The following MYOM2 variants were observed in gnomAD, a reference collection of about 807,000 sequenced individuals.
MYOM2 encodes the protein myomesin 2, also known as myomesin-2.
A neutral mutation model predicts 187.6 loss-of-function variants in MYOM2; 254 were observed. The ratio of observed to expected loss-of-function variants is 1.35; its 90% confidence interval spans 1.22 to 1.50. The LOEUF (loss-of-function observed/expected upper bound fraction) is 1.50. MYOM2 is among the 40% of genes most tolerant of loss of function. The pLI is 0.00. For missense variants in MYOM2, 2,796 were observed against 1,924.0 expected, an observed-to-expected ratio of 1.45 and a Z score of -8.48; for synonymous variants, 981 against 753.8, an observed-to-expected ratio of 1.30 and a Z score of -4.94.
intron 6 of MYOM2, among the ~76,000 whole-genome samples, chr8:2,064,665 G>A (rs1226623905): frequency 2.0e-5 from 3 of 152,208 alleles, no homozygotes; most frequent in African/African-American, 4.8e-5. Context: ...ACTCCCCTGG[G>A]ATCTTAATGC....
chr8:2,123,530 A>C (rs370827519), intron 29 of MYOM2, 25 bp from the exon 30 acceptor site: 19 of 1,598,612 alleles, frequency 1.2e-5, no homozygotes, highest in Admixed American at 5.0e-5. Context: ...ACTTTACATA[A>C]ATATGGAATG....
At position 2,123,597 on chromosome 8, in the gene MYOM2, G is replaced by C. The variant is rs763133179; in HGVS notation, c.3610G>C (p.Asp1204His). 1.2e-6 allele frequency: 2 copies of C among 1,614,078 alleles called. No individual in the cohort carries two copies. Among genetic ancestry groups the C allele is most frequent in the East Asian group, 4.5e-5 (2 of 44,884 alleles). ...DHGEYKATLK[D>H]DRGQDVSILE... ...CGGTGAATACAAGGCAACCTTGAAA[G>C]ATGACAGAGGCCAAGATGTGTCCAT... The change falls in exon 30 of 37, where the codon GAT becomes CAT. Residue 1204 changes from aspartate (D) to histidine (H), a missense_variant. Asp to His is a moderately conservative substitution (Grantham distance 81). Transcript: ENST00000262113.
At chr8:2,046,751 CTT>C (rs574408692) in intron 1 of MYOM2, among the ~76,000 whole-genome samples, 11 of 139,484 alleles carry the variant, frequency 7.9e-5, no homozygotes, top group Admixed American at 7.2e-5. Context: ...TTTCTTTTTT[CTT>C]TTTTTTTTTT....
chr8:2,083,959 C>G (rs1010212997), intron 13 of MYOM2, among the ~76,000 whole-genome samples: 1 of 152,230 alleles, frequency 6.6e-6, no homozygotes. Context: ...AAAGTGTGAA[C>G]GAGATGCTGC....
chr8:2,134,619 T>A (rs1272483986), intron 32 of MYOM2, among the ~76,000 whole-genome samples: 1 of 152,044 alleles, frequency 6.6e-6, no homozygotes, highest in Non-Finnish European at 1.5e-5. Flanking sequence ...TGGGAGGCGC[T>A]GGCCTCTCCT....
intron 23 of MYOM2, among the ~76,000 whole-genome samples, chr8:2,106,993 T>C (rs1030740802): frequency 2.0e-5 from 3 of 152,218 alleles, no homozygotes; most frequent in Non-Finnish European, 2.9e-5. Context: ...AGAAAAATTT[T>C]TTTATGCATG....
rs146479253 is a variant in MYOM2 at position 2,068,279 on chromosome 8, A to C, written c.654-999A>C. On this transcript the variant is annotated intron_variant, in intron 6 of 36. Coordinates refer to ENST00000262113, the MANE Select transcript of MYOM2 (RefSeq NM_003970.4). ...TCTTCAATGCCTGTGTGCACCAGGCAGAGAGCATCCTGGGCACAGCTCTTC... is the reference window on the plus strand; with the variant it reads ...TCTTCAATGCCTGTGTGCACCAGGCCGAGAGCATCCTGGGCACAGCTCTTC... 2.6e-3 allele frequency among the ~76,000 whole-genome samples: 376 copies of C among 144,452 alleles called. 1 individual carries two copies. Among genetic ancestry groups the C allele is most frequent in the African/African-American group, 9.5e-3 (366 of 38,688 alleles). 94.8% of individuals were successfully genotyped at this position (144,452 alleles called of 152,430 possible).
chr8:2,097,750 C>G (rs1338234654), intron 18 of MYOM2, among the ~76,000 whole-genome samples: 1 of 152,218 alleles, frequency 6.6e-6, no homozygotes, highest in Non-Finnish European at 1.5e-5. Context: ...CTCCTGACCT[C>G]AGGTGATCTG....
intron 25 of MYOM2, among the ~76,000 whole-genome samples, chr8:2,110,080 T>C (rs1797018458): frequency 6.6e-6 from 1 of 152,166 alleles, no homozygotes; most frequent in Non-Finnish European, 1.5e-5. Context: ...CTCCTCACTT[T>C]GGGAGGCCGA....
At chr8:2,120,637 TAATTTGC>T (rs1797395819) in intron 28 of MYOM2, among the ~76,000 whole-genome samples, 1 of 81,630 alleles carries the variant, frequency 1.2e-5, no homozygotes, top group African/African-American at 4.5e-5. Context: ...TATTGGTAAT[TAATTTGC>T]AATTTGATTT....
At position 2,085,622 on chromosome 8, in the gene MYOM2, CCACAG is replaced by C. The variant is rs1819838142; in HGVS notation, c.1644+233_1644+237del. Among the ~76,000 whole-genome samples the C allele has an allele frequency of 4.2e-3, 24 of 5,736 alleles. 5 individuals carry two copies. In the East Asian group the frequency reaches 0.19, roughly 45 times the overall value. The allele number at this position is 5,736 out of a possible 152,430, so 3.8% of individuals were successfully genotyped here. On this transcript the variant is annotated intron_variant, in intron 14 of 36. Coordinates refer to ENST00000262113, the MANE Select transcript of MYOM2 (RefSeq NM_003970.4). ...ACTGTCGTGATCTCTGCGTGGCCCC[CCACAG>C]TCGTGATCTCTTTGTGGCCCCCCAC...
intron 32 of MYOM2, among the ~76,000 whole-genome samples, chr8:2,129,713 T>G (rs1358818641): frequency 6.6e-6 from 1 of 152,228 alleles, no homozygotes. Flanking sequence ...CATGCTTCTC[T>G]GGGTCGGTAC....
intron 25 of MYOM2, among the ~76,000 whole-genome samples, chr8:2,112,890 C>G (rs1423083041): frequency 2.0e-5 from 3 of 152,198 alleles, no homozygotes; most frequent in East Asian, 3.9e-4. Flanking sequence ...GAGTGTGGTT[C>G]CAAGGGCTGA....
intron 6 of MYOM2, among the ~76,000 whole-genome samples, chr8:2,060,974 G>T (rs1563420517): frequency 6.6e-6 from 1 of 152,066 alleles, no homozygotes; most frequent in East Asian, 1.9e-4. Context: ...GGGGTGAGGG[G>T]GTTCCGGCCG....
chr8:2,141,692 G>C (rs1798278492), intron 34 of MYOM2, among the ~76,000 whole-genome samples: 1 of 152,208 alleles, frequency 6.6e-6, no homozygotes, highest in South Asian at 2.1e-4. Flanking sequence ...GGTTATGCCA[G>C]GGTTGGTATG....
intron 31 of MYOM2, among the ~76,000 whole-genome samples, chr8:2,126,026 A>G (rs1797623157): frequency 6.6e-6 from 1 of 152,138 alleles, no homozygotes; most frequent in Non-Finnish European, 1.5e-5. Context: ...TCTTATACTC[A>G]TGAAATTATT....
intron 28 of MYOM2, among the ~76,000 whole-genome samples, chr8:2,121,975 G>A (rs539893945): frequency 1.3e-5 from 2 of 152,278 alleles, no homozygotes; most frequent in Non-Finnish European, 2.9e-5. Context: ...TGGGGAATTA[G>A]AACCGTCTCC....
In MYOM2 at chr8:2,069,352, C is replaced by A. The variant is rs201125974; in HGVS notation, c.728C>A (p.Ala243Glu). 6.2e-7 allele frequency: 1 copy of A among 1,614,000 alleles called. No individual in the cohort carries two copies. Among genetic ancestry groups the A allele is most frequent in the African/African-American group, 1.3e-5 (1 of 75,038 alleles). The change falls in exon 7 of 37, where the codon GCG becomes GAG. Residue 243 changes from alanine to glutamate, a missense_variant. Ala to Glu is a moderately radical substitution (Grantham distance 107, BLOSUM62 -1). Transcript: ENST00000262113. ...CACGGACAAGTGTCCACCAACGCGG[C>A]GGTGGTGGTGAGAAGTGAGTGCCGG... is the stretch of plus-strand genomic sequence containing the variant. ...NAHGQVSTNA[A>E]VVVRRFRGDE...
In MYOM2 at chr8:2,123,249, C is replaced by G. The variant is rs1797518324; in HGVS notation, c.3454-3C>G. 1 of 1,599,384 alleles carries G rather than the reference C, an allele frequency of 6.3e-7. No individual in the cohort carries two copies. The highest frequency in any genetic ancestry group is 8.6e-7 in the Non-Finnish European group (1 of 1,169,582). On this transcript the variant is annotated splice_region_variant and splice_polypyrimidine_tract_variant and intron_variant, in intron 28 of 36. Transcript: ENST00000262113. ...CACTAAACTTAAGCTTTCTACCTCA[C>G]AGGTTGCAAACACCAAGAAAGAAAC...
Sources: allele counts gnomAD v4.1 joint callset (sites outside exome capture counted in the v4.1 genomes callset), GRCh38; gene constraint gnomAD v4.1.1; transcripts MANE v1.5; gene names NCBI Gene and HGNC (gene_info 2026-07-23, HGNC 2026-07-21).